Variants in GABRG1 observed in about 807,000 individuals in gnomAD.
The protein encoded by GABRG1 is gamma-aminobutyric acid receptor subunit gamma-1.
GABRG1 carries 49 observed loss-of-function variants against 49.8 expected under a neutral mutation model. The ratio of observed to expected loss-of-function variants is 0.98; its 90% CI spans 0.78 to 1.25. The LOEUF (loss-of-function observed/expected upper bound fraction) is 1.25. GABRG1 is among the 50% of genes most tolerant of loss of function. The pLI, the probability that GABRG1 is intolerant of heterozygous loss-of-function variation, is 0.00. For synonymous variants in GABRG1, 232 were observed against 185.1 expected, an observed-to-expected ratio of 1.25 and a Z score of -2.06; for missense variants, 552 against 552.3, an observed-to-expected ratio of 1.00 and a Z score of 0.01.
intron 3 of GABRG1, among the ~76,000 whole-genome samples, chr4:46,069,559 A>G (rs1692797765): frequency 6.6e-6 from 1 of 152,130 alleles, no homozygotes; most frequent in South Asian, 2.1e-4. Flanking sequence ...CCAATTGCTT[A>G]AATCATTGAA....
intron 5 of GABRG1, among the ~76,000 whole-genome samples, chr4:46,058,878 A>C (rs1718560127): frequency 6.6e-6 from 1 of 152,024 alleles, no homozygotes; most frequent in Non-Finnish European, 1.5e-5. Flanking sequence ...CAATATGTCC[A>C]CCCCAATATA....
At chr4:46,118,450 T>C (rs1252637064) in intron 1 of GABRG1, among the ~76,000 whole-genome samples, 1 of 150,926 alleles carries the variant, frequency 6.6e-6, no homozygotes, top group Non-Finnish European at 1.5e-5. Flanking sequence ...CATTTTATTG[T>C]GTTTACTTGT....
intron 1 of GABRG1, among the ~76,000 whole-genome samples, chr4:46,107,056 C>A (rs1415471807): frequency 2.6e-5 from 4 of 151,248 alleles, no homozygotes. Context: ...CTTTGAGTTA[C>A]AAATAATCCA....
chr4:46,091,381 C>G (rs2109427767), intron 2 of GABRG1, among the ~76,000 whole-genome samples: 1 of 152,120 alleles, frequency 6.6e-6, no homozygotes, highest in Middle Eastern at 3.4e-3. Context: ...TCGCATTCAA[C>G]ACAAAATTAA....
chr4:46,065,006 T>C (rs10018131), intron 4 of GABRG1, among the ~76,000 whole-genome samples: 76,705 of 151,834 alleles, frequency 0.51, 19,954 homozygotes, highest in African/African-American at 0.62. Flanking sequence ...GATGTTTTAC[T>C]ACACCATTGA....
intron 2 of GABRG1, among the ~76,000 whole-genome samples, chr4:46,091,791 A>T (rs1183846779): frequency 1.3e-5 from 2 of 152,094 alleles, no homozygotes; most frequent in Non-Finnish European, 2.9e-5. Context: ...AGAATTTCAA[A>T]AGCAGCTATG....
chr4:46,048,459 G>T (rs1360023224), intron 8 of GABRG1, among the ~76,000 whole-genome samples: 1 of 149,800 alleles, frequency 6.7e-6, no homozygotes, highest in Non-Finnish European at 1.5e-5. Flanking sequence ...GTTGGTGGTG[G>T]TATCTATATA....
At chr4:46,121,502 A>G (rs1361794948) in intron 1 of GABRG1, among the ~76,000 whole-genome samples, 1 of 151,926 alleles carries the variant, frequency 6.6e-6, no homozygotes, top group East Asian at 1.9e-4. Context: ...TAATTGCTAT[A>G]TTTCCCAACT....
chr4:46,103,629 A>C (rs1427901072), intron 1 of GABRG1, among the ~76,000 whole-genome samples: 2 of 151,466 alleles, frequency 1.3e-5, no homozygotes, highest in Non-Finnish European at 3.0e-5. Context: ...AAGAAATCCA[A>C]ATTTTTGCCT....
intron 8 of GABRG1, 89 bp from the exon 9 acceptor site, chr4:46,041,343 T>G (rs1717776089): frequency 9.2e-7 from 1 of 1,086,384 alleles, no homozygotes; most frequent in East Asian, 2.6e-5. Context: ...TCTAGGAGAC[T>G]GACAGGTAAT....
chr4:46,120,273 C>T (rs1721055665), intron 1 of GABRG1, among the ~76,000 whole-genome samples: 3 of 151,722 alleles, frequency 2.0e-5, no homozygotes, highest in African/African-American at 7.2e-5. Context: ...TCTCCAGAGT[C>T]ATTTTTCAGT....
At position 46,097,345 on chromosome 4, in the gene GABRG1, C is replaced by T. The variant is rs766038937; in HGVS notation, c.109G>A (p.Asp37Asn). The T allele has an allele frequency of 9.4e-6, 15 of 1,604,146 alleles. No homozygotes were observed. Among genetic ancestry groups the T allele is most frequent in the Non-Finnish European group, 1.2e-5 (14 of 1,175,574 alleles). The change falls in exon 2 of 9, where the codon GAT becomes AAT. Residue 37 changes from aspartate (D) to asparagine (N), a missense_variant. Coordinates refer to ENST00000295452, the MANE Select transcript of GABRG1 (RefSeq NM_173536.4). ...TCATCATCTTCATCATCTGCCTTAT[C>T]AACACTAAATAATTCAAAGAAAAAA... ...LLTLHLGNCVDKADDEDDEDL... is the reference protein window; with the variant it reads ...LLTLHLGNCVNKADDEDDEDL...
intron 3 of GABRG1, among the ~76,000 whole-genome samples, chr4:46,078,192 T>C (rs1262354525): frequency 6.6e-6 from 1 of 151,940 alleles, no homozygotes; most frequent in Non-Finnish European, 1.5e-5. Flanking sequence ...AATACAAATG[T>C]GTTTCCTAAA....
chr4:46,072,002 C>T (rs1719143990), intron 3 of GABRG1, among the ~76,000 whole-genome samples: 2 of 152,048 alleles, frequency 1.3e-5, no homozygotes, highest in Admixed American at 1.3e-4. Context: ...CTCACTGACT[C>T]ACCCAGAGCA....
intron 1 of GABRG1, among the ~76,000 whole-genome samples, chr4:46,111,091 G>A (rs1720697662): frequency 6.6e-6 from 1 of 150,846 alleles, no homozygotes; most frequent in African/African-American, 2.4e-5. Flanking sequence ...TTCTATACCA[G>A]GAAAATCCCA....
At chr4:46,064,317 T>A (rs1222772686) in intron 5 of GABRG1, 124 bp downstream of exon 5, 3 of 527,004 alleles carry the variant, frequency 5.7e-6, no homozygotes, top group African/African-American at 2.0e-5. Flanking sequence ...AATTATTTTA[T>A]CTAAAAGAAT....
chr4:46,053,535 A>C (rs548641502), intron 7 of GABRG1, among the ~76,000 whole-genome samples: 1 of 152,114 alleles, frequency 6.6e-6, no homozygotes, highest in African/African-American at 2.4e-5. Context: ...TAAAGGCTAA[A>C]AAAATGATAT....
In GABRG1 at chr4:46,094,016, A is replaced by G. The variant is rs144339736; in HGVS notation, c.253+3185T>C. 1.1e-3 allele frequency among the ~76,000 whole-genome samples: 163 copies of G among 152,134 alleles called. 1 individual carries two copies. Among genetic ancestry groups the G allele is most frequent in the Non-Finnish European group, 8.7e-4 (59 of 67,972 alleles). ...ATGTAGATACCAATAACAAAAATAT[A>G]CCTAGAACACAGGCTAATTTTTGAA... On this transcript the variant is annotated intron_variant, in intron 2 of 8. Transcript: ENST00000295452.
chr4:46,050,424 A>T (rs1191343997), intron 8 of GABRG1, among the ~76,000 whole-genome samples: 1 of 151,762 alleles, frequency 6.6e-6, no homozygotes, highest in Non-Finnish European at 1.5e-5. Context: ...AAATGCATTG[A>T]CTCCTAGAAC....
Sources: gnomAD v4.1 joint callset for allele counts (sites outside exome capture counted in the v4.1 genomes callset) on GRCh38, gnomAD v4.1.1 for gene constraint, MANE v1.5 for transcripts, NCBI Gene and HGNC (gene_info 2026-07-23, HGNC 2026-07-21) for gene names.